Variants in ZNF33B observed in about 807,000 individuals in gnomAD.
ZNF33B encodes zinc finger protein 33B.
A neutral mutation model predicts 45.8 loss-of-function variants in ZNF33B; 29 were observed. The ratio of observed to expected loss-of-function variants is 0.63; its 90% CI spans 0.47 to 0.86. ZNF33B has a LOEUF of 0.86. Ranked by LOEUF, ZNF33B falls within the 40% of genes least tolerant of loss-of-function variation. ZNF33B has a pLI of 0.00. For synonymous variants in ZNF33B, 305 were observed against 307.8 expected (o/e 0.99, Z 0.10); for missense variants, 831 against 909.9 (o/e 0.91, Z 1.12).
At chr10:42,617,772 A>G (rs1838390527) in intron 4 of ZNF33B, among the ~76,000 whole-genome samples, 1 of 152,134 alleles carries the variant, frequency 6.6e-6, no homozygotes, top group Non-Finnish European at 1.5e-5. Context: ...TCATTTCAAA[A>G]CTGTTACACA....
intron 4 of ZNF33B, chr10:42,605,269 A>AC (rs986226340): frequency 6.6e-6 from 1 of 151,064 alleles, no homozygotes; most frequent in Non-Finnish European, 1.5e-5. Flanking sequence ...AAATTTAAAA[A>AC]AAAAAAAAAA....
intron 1 of ZNF33B, chr10:42,578,591 G>A (rs1288855516): frequency 6.6e-6 from 1 of 152,458 alleles, no homozygotes; most frequent in East Asian, 1.9e-4. Flanking sequence ...GGACAGGGAA[G>A]CCCCTTGGTG....
chr10:42,581,203 G>A (rs1462444213), intron 1 of ZNF33B, among the ~76,000 whole-genome samples: 2 of 151,940 alleles, frequency 1.3e-5, no homozygotes, highest in Admixed American at 6.6e-5. Flanking sequence ...AGTGTGGCCC[G>A]GGCTGGGGGC....
At chr10:42,617,250 C>T (rs760075598) in intron 4 of ZNF33B, among the ~76,000 whole-genome samples, 6 of 151,336 alleles carry the variant, frequency 4.0e-5, no homozygotes, top group Non-Finnish European at 5.9e-5. Flanking sequence ...ACCACAGGCA[C>T]GCACCACCAC....
intron 4 of ZNF33B, among the ~76,000 whole-genome samples, chr10:42,611,078 C>G (rs888400833): frequency 5.9e-5 from 9 of 152,140 alleles, no homozygotes; most frequent in African/African-American, 1.9e-4. Flanking sequence ...GTCGTGGTAG[C>G]TCACGCCTGT....
chr10:42,612,420 G>C (rs557552882), intron 4 of ZNF33B, among the ~76,000 whole-genome samples: 9 of 152,028 alleles, frequency 5.9e-5, no homozygotes, highest in African/African-American at 2.2e-4. Context: ...ATTTTTAATA[G>C]AGACAGGGTT....
intron 2 of ZNF33B, among the ~76,000 whole-genome samples, chr10:42,635,974 C>CA (rs1364951747): frequency 6.6e-6 from 1 of 151,658 alleles, no homozygotes; most frequent in African/African-American, 2.4e-5. Flanking sequence ...ACTAAATCTA[C>CA]AAAAATTAGC....
intron 4 of ZNF33B, among the ~76,000 whole-genome samples, chr10:42,610,043 A>T (rs973018642): frequency 2.0e-5 from 3 of 152,178 alleles, no homozygotes; most frequent in East Asian, 1.9e-4. Flanking sequence ...CACACAGCAG[A>T]TTGTAGTCAA....
chr10:42,638,271 G>A (rs746506977), intron 1 of ZNF33B, among the ~76,000 whole-genome samples: 1 of 152,270 alleles, frequency 6.6e-6, no homozygotes, highest in African/African-American at 2.4e-5. Flanking sequence ...GCAACGCACA[G>A]GGCGTAGCCC....
At chr10:42,601,979 G>C (rs1187830694) in intron 4 of ZNF33B, among the ~76,000 whole-genome samples, 1 of 143,280 alleles carries the variant, frequency 7.0e-6, no homozygotes, top group Non-Finnish European at 1.5e-5. Flanking sequence ...GTGCAGAGGT[G>C]CAATCTTGGC....
Position 42,592,716 on chromosome 10 carries a change from C to T in ZNF33B, c.2234G>A (p.Gly745Glu). 6.2e-7 allele frequency: 1 copy of T among 1,613,980 alleles called. No individual in the cohort carries two copies. Among genetic ancestry groups the T allele is most frequent in the Non-Finnish European group, 8.5e-7 (1 of 1,179,964 alleles). The change falls in exon 5 of 5, where the codon GGG becomes GAG. Residue 745 changes from glycine (G) to glutamate (E), a missense_variant. Coordinates refer to ENST00000359467, the MANE Select transcript of ZNF33B (RefSeq NM_006955.3). ...DLAKHQRSHT[G>E]EKPYECNTCR... Reference sequence around the variant, plus strand: ...TGTGTTACATTCATAGGGCTTTTCCCCTGTATGTGATCTCTGATGTTTAGC... The same window carrying T: ...TGTGTTACATTCATAGGGCTTTTCCTCTGTATGTGATCTCTGATGTTTAGC...
downstream of ZNF33B, among the ~76,000 whole-genome samples, chr10:42,585,610 A>C (rs545807534): frequency 6.6e-6 from 1 of 152,374 alleles, no homozygotes; most frequent in Admixed American, 6.5e-5. Flanking sequence ...AATAGTGTTC[A>C]CATGTAATCC....
intron 1 of ZNF33B, chr10:42,582,475 C>G (rs1419049534): frequency 6.6e-6 from 1 of 152,270 alleles, no homozygotes; most frequent in African/African-American, 2.4e-5. Context: ...GAGAGGGAGG[C>G]AGAAAGAGCA....
Position 42,594,187 on chromosome 10 carries a change from T to C in ZNF33B, c.763A>G (p.Thr255Ala), listed in dbSNP as rs770612708. 1 of 1,613,730 alleles carries C rather than the reference T, an allele frequency of 6.2e-7. No homozygotes were observed. Among genetic ancestry groups the C allele is most frequent in the Non-Finnish European group, 8.5e-7 (1 of 1,179,920 alleles). Reference sequence around the variant, plus strand: ...AAGAGGGATGAACTATCACAGAAAGTTCTCCCAAATTCATTATAGTCACAG... The same window carrying C: ...AAGAGGGATGAACTATCACAGAAAGCTCTCCCAAATTCATTATAGTCACAG... Reference protein sequence around the residue: ...NNCDYNEFGRTFCDSSSLLFH... With the variant: ...NNCDYNEFGRAFCDSSSLLFH... The change falls in exon 5 of 5, where the codon ACT (threonine) becomes GCT (alanine). Residue 255 changes from threonine to alanine, a missense_variant. Transcript: ENST00000359467.
intron 1 of ZNF33B, among the ~76,000 whole-genome samples, chr10:42,578,010 C>T (rs1016512993): frequency 2.6e-5 from 4 of 152,156 alleles, no homozygotes; most frequent in Admixed American, 1.3e-4. Flanking sequence ...ACCACCCCTC[C>T]TCTAGTCACA....
intron 2 of ZNF33B, among the ~76,000 whole-genome samples, chr10:42,634,858 A>T (rs1839216465): frequency 6.6e-6 from 1 of 152,254 alleles, no homozygotes; most frequent in Non-Finnish European, 1.5e-5. Context: ...ATGACCTCAA[A>T]GTAGGTAAAG....
At chr10:42,627,525 A>G (rs1838863880) in intron 4 of ZNF33B, among the ~76,000 whole-genome samples, 1 of 152,100 alleles carries the variant, frequency 6.6e-6, no homozygotes, top group Non-Finnish European at 1.5e-5. Context: ...TTTCAATTTT[A>G]CTGATTTCTG....
downstream of ZNF33B, chr10:42,589,061 C>T (rs1266593099): frequency 2.3e-5 from 8 of 346,490 alleles, no homozygotes; most frequent in Middle Eastern, 1.4e-3. Flanking sequence ...CAGAAACACA[C>T]GACTAACAAA....
chr10:42,606,876 A>C lies in ZNF33B; in HGVS notation c.251-12177T>G, dbSNP rs536852174. Among the ~76,000 whole-genome samples the C allele has an allele frequency of 2.4e-4, 36 of 152,180 alleles. No homozygotes were observed. In the South Asian group the frequency reaches 7.5e-3, roughly 32 times the overall value. ...TCTCTTATCTGAAATGCTTGGCATC[A>C]AAAGTGTTTCTGACTTTAGAGTTTT... On this transcript the variant is annotated intron_variant, in intron 4 of 4. Transcript: ENST00000359467.
Sources: allele counts gnomAD v4.1 joint callset (sites outside exome capture counted in the v4.1 genomes callset), GRCh38; gene constraint gnomAD v4.1.1; transcripts MANE v1.5; gene names NCBI Gene and HGNC (gene_info 2026-07-23, HGNC 2026-07-21).